Variants in DYNC1H1 observed in about 807,000 individuals in gnomAD.
DYNC1H1 encodes cytoplasmic dynein 1 heavy chain 1.
DYNC1H1 carries 51 observed loss-of-function variants against 527.1 expected under a neutral mutation model. That is an observed-to-expected ratio of 0.10 (90% CI 0.08 to 0.12). The LOEUF is 0.12. Among genes scored for constraint, DYNC1H1 ranks in the 10% least tolerant of loss-of-function variants. DYNC1H1 has a pLI of 1.00. For synonymous variants in DYNC1H1, 2,189 were observed against 2,278.8 expected (o/e 0.96, Z 1.12); for missense variants, 2,771 against 5,971.8 (o/e 0.46, Z 17.66).
In DYNC1H1 at chr14:102,047,880, A is replaced by G. The variant is rs1237099368; in HGVS notation, c.13070A>G (p.Tyr4357Cys). The change falls in exon 73 of 78, where the codon TAC becomes TGC. Residue 4357 changes from tyrosine (Y) to cysteine (C), a missense_variant. Coordinates refer to ENST00000360184, the MANE Select transcript of DYNC1H1 (RefSeq NM_001376.5). The part of the protein sequence containing the change: ...QMLEDEDDLA[Y>C]AETEKKTRTD... ...TTGGAGGATGAGGACGACCTGGCCT[A>G]CGCAGAGACTGAGAAGAAGACGAGG... The G allele has an allele frequency of 6.2e-7, 1 of 1,613,706 alleles. No homozygotes were observed. Among genetic ancestry groups the G allele is most frequent in the Non-Finnish European group, 8.5e-7 (1 of 1,180,006 alleles).
Position 101,986,379 on chromosome 14 carries a change from C to T in DYNC1H1, c.2154C>T (p.Phe718=), listed in dbSNP as rs1343396297. The stretch of plus-strand genomic sequence containing the variant: ...ACCTCGGTGTCTCGGGGCGCATTTT[C>T]ACCATCGAAAGTACTCGGGTTCGGG... ...QRNLGVSGRI[F]TIESTRVRGR... Residue 718 remains phenylalanine, a synonymous_variant, in exon 8 of 78, where the codon TTC becomes TTT. Coordinates refer to ENST00000360184, the MANE Select transcript of DYNC1H1 (RefSeq NM_001376.5). The surrounding 1 kb of genome is among the most constrained non-coding windows in gnomAD (Gnocchi z 8.7). 3 of 1,614,102 alleles carry T rather than the reference C, an allele frequency of 1.9e-6. No homozygotes were observed. Among genetic ancestry groups the T allele is most frequent in the Non-Finnish European group, 1.7e-6 (2 of 1,180,020 alleles).
At position 102,044,232 on chromosome 14, in the gene DYNC1H1, C is replaced by A. The variant is rs371667878; in HGVS notation, c.12685-42C>A. On this transcript the variant is annotated intron_variant, in intron 70 of 77. Coordinates refer to ENST00000360184, the MANE Select transcript of DYNC1H1 (RefSeq NM_001376.5). The surrounding 1 kb of genome is among the most constrained non-coding windows in gnomAD (Gnocchi z 7.1). ...CTCGAAAGGAAGCCCCGGGCCTGCC[C>A]GCCTCTGACCACACACACGAACCCT... is the stretch of plus-strand genomic sequence containing the variant. 1.9e-5 allele frequency: 31 copies of A among 1,610,676 alleles called. No homozygotes were observed. The highest frequency in any genetic ancestry group is 1.6e-4 in the Middle Eastern group (1 of 6,078).
Position 102,016,826 on chromosome 14 carries a change from A to T in DYNC1H1, c.7675A>T (p.Thr2559Ser). Residue 2559 changes from threonine (T) to serine (S), a missense_variant, in exon 38 of 78, where the codon ACG (threonine) becomes TCG (serine). Thr to Ser is a moderately conservative substitution (Grantham distance 58). Coordinates refer to ENST00000360184, the MANE Select transcript of DYNC1H1 (RefSeq NM_001376.5). The surrounding 1 kb of genome is among the most constrained non-coding windows in gnomAD (Gnocchi z 7.3). ...QAKVPQIEVE[T>S]HKVAAPDVVV... ...CAAGGTGCCTCAGATTGAAGTGGAG[A>T]CGCACAAGGTGGCAGCCCCTGATGT... The T allele has an allele frequency of 6.2e-7, 1 of 1,614,040 alleles. No homozygotes were observed. Among genetic ancestry groups the T allele is most frequent in the Non-Finnish European group, 8.5e-7 (1 of 1,180,010 alleles).
Position 101,970,470 on chromosome 14 carries a change from G to GTTTTTTTTTT in DYNC1H1, c.257-5240_257-5239insTTTTTTTTTT, listed in dbSNP as rs1324948272. ...GTGGTATTAGTATGTTTGGTTTGTT[G>GTTTTTTTTTT]TTGTTTTTTTTTTTTTTTTTTTTTT... On this transcript the variant is annotated intron_variant, in intron 1 of 77. Transcript: ENST00000360184. Among the ~76,000 whole-genome samples the GTTTTTTTTTT allele has an allele frequency of 9.8e-4, 94 of 96,306 alleles. 19 individuals carry two copies. Among genetic ancestry groups the GTTTTTTTTTT allele is most frequent in the African/African-American group, 3.7e-3 (78 of 21,046 alleles). The allele number at this position is 96,306 out of a possible 152,430, so 63.2% of individuals were successfully genotyped here.
At position 102,002,527 on chromosome 14, in the gene DYNC1H1, T is replaced by C; in HGVS notation, c.4543-10T>C. 1.2e-6 allele frequency: 2 copies of C among 1,614,026 alleles called. No homozygotes were observed. Among genetic ancestry groups the C allele is most frequent in the Non-Finnish European group, 1.7e-6 (2 of 1,179,922 alleles). On this transcript the variant is annotated splice_polypyrimidine_tract_variant and intron_variant, in intron 21 of 77. Coordinates refer to ENST00000360184, the MANE Select transcript of DYNC1H1 (RefSeq NM_001376.5). The surrounding 1 kb of genome is among the most constrained non-coding windows in gnomAD (Gnocchi z 4.4). ...CAGCAGTTTACCTCTCCCTCCTGTCTGCCCACCAGGTTTTTGAAGAGGATG... is the reference window on the plus strand; with the variant it reads ...CAGCAGTTTACCTCTCCCTCCTGTCCGCCCACCAGGTTTTTGAAGAGGATG...
rs753842380 is a variant in DYNC1H1 at position 102,033,940 on chromosome 14, C to T, written c.10414-36C>T. Reference sequence around the variant, plus strand: ...GGATTCGGTATAAATCCTGAAAGGCCTCATCCCTGAGCATCTTGTTCGGTT... The same window carrying T: ...GGATTCGGTATAAATCCTGAAAGGCTTCATCCCTGAGCATCTTGTTCGGTT... On this transcript the variant is annotated intron_variant, in intron 54 of 77. Transcript: ENST00000360184. This position sits in a 1 kb window ranked among gnomAD's most constrained non-coding sequence, Gnocchi z 5.6. 1.2e-6 allele frequency: 2 copies of T among 1,608,266 alleles called. No individual in the cohort carries two copies. Among genetic ancestry groups the T allele is most frequent in the African/African-American group, 1.3e-5 (1 of 74,820 alleles).
At position 102,034,123 on chromosome 14, in the gene DYNC1H1, G is replaced by C; in HGVS notation, c.10561G>C (p.Asp3521His). The C allele has an allele frequency of 6.2e-7, 1 of 1,614,126 alleles. No homozygotes were observed. Residue 3521 changes from aspartate to histidine, a missense_variant, in exon 55 of 78, where the codon GAC becomes CAC. Transcript: ENST00000360184. Reference sequence around the variant, plus strand: ...GTTCATTGCCTACGCGGGTTACTTTGACCAGCAGATGCGTCAGAACTTGTT... The same window carrying C: ...GTTCATTGCCTACGCGGGTTACTTTCACCAGCAGATGCGTCAGAACTTGTT... ...AAFIAYAGYFDQQMRQNLFTT... is the reference protein window; with the variant it reads ...AAFIAYAGYFHQQMRQNLFTT...
rs557023305 is a variant in DYNC1H1 at position 102,039,567 on chromosome 14, G to A, written c.11595+21G>A. Reference sequence around the variant, plus strand: ...TCCAGGTAGAGTGAGGTCCTCAGCCGCTCCCTGGCGGGGGGGAAGCAGGGT... The same window carrying A: ...TCCAGGTAGAGTGAGGTCCTCAGCCACTCCCTGGCGGGGGGGAAGCAGGGT... On this transcript the variant is annotated intron_variant, in intron 61 of 77. Transcript: ENST00000360184. This position sits in a 1 kb window ranked among gnomAD's most constrained non-coding sequence, Gnocchi z 7.0. 2.1e-5 allele frequency: 34 copies of A among 1,614,194 alleles called. No homozygotes were observed. Among genetic ancestry groups the A allele is most frequent in the African/African-American group, 4.0e-5 (3 of 75,062 alleles).
At chr14:102,026,958 A>T in intron 44 of DYNC1H1, 1 of 767,532 alleles carries the variant, frequency 1.3e-6, no homozygotes, top group Non-Finnish European at 2.2e-6. Flanking sequence ...TTCTGCTGGA[A>T]TTGCATTAGT....
At chr14:102,047,523 C>T (rs1181699387) in intron 72 of DYNC1H1, 2 of 199,746 alleles carry the variant, frequency 1.0e-5, no homozygotes, top group Non-Finnish European at 1.0e-5. Flanking sequence ...GGTGACAGAG[C>T]GAGACTCCAT....
Position 102,047,909 on chromosome 14 carries a change from G to T in DYNC1H1, c.13099G>T (p.Asp4367Tyr). The T allele has an allele frequency of 6.2e-7, 1 of 1,613,806 alleles. No individual in the cohort carries two copies. The highest frequency in any genetic ancestry group is 8.5e-7 in the Non-Finnish European group (1 of 1,180,028). ...YAETEKKTRT[D>Y]STSDGRPAWM... ...AGAGACTGAGAAGAAGACGAGGACAGACTCCACGTCCGACGGGCGCCCTGC... is the reference window on the plus strand; with the variant it reads ...AGAGACTGAGAAGAAGACGAGGACATACTCCACGTCCGACGGGCGCCCTGC... Residue 4367 changes from aspartate (D) to tyrosine (Y), a missense_variant, in exon 73 of 78, where the codon GAC (aspartate) becomes TAC (tyrosine). By Grantham distance (160) the Asp-to-Tyr change is radical (BLOSUM62 -3). Around this residue, in one of 32 missense-constraint regions of DYNC1H1, gnomAD observed 170 missense variants for 249.8 expected, o/e 0.68. Transcript: ENST00000360184.
chr14:102,009,787 C>CT (rs2152577376), intron 29 of DYNC1H1, 56 bp from the exon 30 acceptor site: 1 of 1,593,880 alleles, frequency 6.3e-7, no homozygotes, highest in East Asian at 2.2e-5. Context: ...TTTTAGAATG[C>CT]ATTTTGTTTT....
chr14:102,016,543 C>T lies in DYNC1H1; in HGVS notation c.7614+54C>T. The T allele has an allele frequency of 3.1e-6, 5 of 1,613,784 alleles. No homozygotes were observed. The highest frequency in any genetic ancestry group is 4.2e-6 in the Non-Finnish European group (5 of 1,179,830). ...TGATTCTCGCCTTGTTGATTTAACT[C>T]ATCCTGGAACAAGCTGACCATGGAC... On this transcript the variant is annotated intron_variant, in intron 37 of 77. Coordinates refer to ENST00000360184, the MANE Select transcript of DYNC1H1 (RefSeq NM_001376.5). This position sits in a 1 kb window ranked among gnomAD's most constrained non-coding sequence, Gnocchi z 7.3.
intron 72 of DYNC1H1, among the ~76,000 whole-genome samples, chr14:102,046,910 C>A (rs1404024870): frequency 1.3e-5 from 2 of 152,130 alleles, no homozygotes; most frequent in South Asian, 2.1e-4. Context: ...GCGATCCCCC[C>A]ACCTCAGCCT....
intron 77 of DYNC1H1, 71 bp downstream of exon 77, chr14:102,050,269 C>T (rs975239916): frequency 1.9e-6 from 3 of 1,612,926 alleles, no homozygotes; most frequent in Non-Finnish European, 2.5e-6. Flanking sequence ...GGCGGCTCCT[C>T]TTCTATGCCT....
rs2048622517 is a variant in DYNC1H1, at chr14:102,039,763, C to T, written c.11690+31C>T. The T allele has an allele frequency of 1.2e-6, 2 of 1,611,582 alleles. No homozygotes were observed. The highest frequency in any genetic ancestry group is 1.7e-4 in the Middle Eastern group (1 of 5,854). On this transcript the variant is annotated intron_variant, in intron 62 of 77. Coordinates refer to ENST00000360184, the MANE Select transcript of DYNC1H1 (RefSeq NM_001376.5). This position sits in a 1 kb window ranked among gnomAD's most constrained non-coding sequence, Gnocchi z 7.0. Reference sequence around the variant, plus strand: ...AGCACTCACGCCCACAGGAGGATGCCATATTGCTGGTGGCCCCCAAGGGTT... The same window carrying T: ...AGCACTCACGCCCACAGGAGGATGCTATATTGCTGGTGGCCCCCAAGGGTT...
At chr14:102,022,703 T>A in intron 42 of DYNC1H1, 48 bp from the exon 43 acceptor site, 1 of 1,613,408 alleles carries the variant, frequency 6.2e-7, no homozygotes. Flanking sequence ...TGGTGCTTCT[T>A]CACCGTGCCC....
At chr14:102,009,712 C>A (rs896475898) in intron 29 of DYNC1H1, 131 bp from the exon 30 acceptor site, 2 of 1,435,188 alleles carry the variant, frequency 1.4e-6, no homozygotes, top group East Asian at 2.4e-5. Flanking sequence ...AAAGAGCAGC[C>A]CCCGAGGAAG....
At chr14:102,022,313 G>A (rs1045885610) in intron 42 of DYNC1H1, among the ~76,000 whole-genome samples, 10 of 150,494 alleles carry the variant, frequency 6.6e-5, no homozygotes, top group African/African-American at 2.2e-4. Context: ...TGGCTAACAC[G>A]ATGAAACCCC....
Sources: gnomAD v4.1 joint callset for allele counts (sites outside exome capture counted in the v4.1 genomes callset) on GRCh38, gnomAD v4.1.1 for gene constraint, gnomAD v4.1.1 regional missense constraint, Gnocchi (gnomAD v3.1) non-coding constraint, MANE v1.5 for transcripts, NCBI Gene and HGNC (gene_info 2026-07-23, HGNC 2026-07-21) for gene names.